Variants in PRSS38 observed in about 807,000 individuals in gnomAD.
PRSS38 encodes serine protease 38.
PRSS38 carries 22 observed loss-of-function variants against 26.8 expected under a neutral mutation model. That is an observed-to-expected ratio of 0.82 (90% CI 0.59 to 1.17). The LOEUF (loss-of-function observed/expected upper bound fraction) is 1.17, where lower values mean the gene tolerates loss of function less well. PRSS38 is among the 50% of genes most tolerant of loss of function. The pLI is 0.00. For synonymous variants in PRSS38, 175 were observed against 172.1 expected (o/e 1.02, Z -0.13); for missense variants, 427 against 422.7 (o/e 1.01, Z -0.09).
At chr1:227,845,833 G>A (rs774131241) in intron 4 of PRSS38, 121 bp from the exon 5 acceptor site, 36 of 1,394,070 alleles carry the variant, frequency 2.6e-5, no homozygotes, top group Non-Finnish European at 3.3e-5. Flanking sequence ...TGGGTGAGAG[G>A]GGGGCACTGG....
intron 3 of PRSS38, among the ~76,000 whole-genome samples, chr1:227,824,160 T>C (rs1665039480): frequency 6.6e-6 from 1 of 152,142 alleles, no homozygotes; most frequent in African/African-American, 2.4e-5. Context: ...GCACAAATTA[T>C]CCCATCACCT....
intron 3 of PRSS38, among the ~76,000 whole-genome samples, chr1:227,830,085 T>C (rs1665131317): frequency 6.6e-6 from 1 of 152,200 alleles, no homozygotes; most frequent in Non-Finnish European, 1.5e-5. Flanking sequence ...GTTATTGATA[T>C]ATTATATTCA....
At chr1:227,831,702 A>G (rs1468481351) in intron 3 of PRSS38, among the ~76,000 whole-genome samples, 1 of 152,154 alleles carries the variant, frequency 6.6e-6, no homozygotes, top group Non-Finnish European at 1.5e-5. Flanking sequence ...AATATAAAAA[A>G]TTAGCTGGGT....
chr1:227,818,697 A>AAC (rs1490004412), intron 3 of PRSS38, among the ~76,000 whole-genome samples: 2 of 151,796 alleles, frequency 1.3e-5, no homozygotes, highest in African/African-American at 4.8e-5. Flanking sequence ...AAAAAAAAAA[A>AAC]AACGTATTTA....
intron 3 of PRSS38, 81 bp from the exon 4 acceptor site, chr1:227,845,389 T>G (rs1407590675): frequency 2.1e-6 from 2 of 957,740 alleles, no homozygotes; most frequent in Non-Finnish European, 3.2e-6. Context: ...GGCTATCCCC[T>G]TGGTGTCCAC....
chr1:227,828,282 G>A (rs938778879), intron 3 of PRSS38, among the ~76,000 whole-genome samples: 5 of 152,320 alleles, frequency 3.3e-5, no homozygotes, highest in African/African-American at 9.6e-5. Context: ...AATATTATCA[G>A]TGGAGTGTTA....
intron 3 of PRSS38, among the ~76,000 whole-genome samples, chr1:227,819,950 G>C (rs1664978179): frequency 6.6e-6 from 1 of 152,008 alleles, no homozygotes; most frequent in Non-Finnish European, 1.5e-5. Flanking sequence ...TTAGCTGGGT[G>C]TGGTGGCACT....
At chr1:227,841,257 C>G (rs1558237763) in intron 3 of PRSS38, among the ~76,000 whole-genome samples, 1 of 152,262 alleles carries the variant, frequency 6.6e-6, no homozygotes, top group Non-Finnish European at 1.5e-5. Flanking sequence ...ATCCAGCAGG[C>G]TGGCCTAGCT....
chr1:227,820,251 T>C (rs981922310), intron 3 of PRSS38, among the ~76,000 whole-genome samples: 2 of 152,032 alleles, frequency 1.3e-5, no homozygotes, highest in African/African-American at 2.4e-5. Flanking sequence ...CATCTATGAA[T>C]AGAGATTGTT....
intron 3 of PRSS38, among the ~76,000 whole-genome samples, chr1:227,818,562 C>T (rs1264571338): frequency 1.3e-5 from 2 of 150,960 alleles, no homozygotes; most frequent in African/African-American, 2.4e-5. Context: ...CCTGTAGTCC[C>T]AGCTACTCAG....
At chr1:227,832,212 A>G (rs1429179421) in intron 3 of PRSS38, among the ~76,000 whole-genome samples, 1 of 152,210 alleles carries the variant, frequency 6.6e-6, no homozygotes, top group Non-Finnish European at 1.5e-5. Context: ...CTTTTGGTAG[A>G]AAGCATATAG....
At chr1:227,826,224 T>C (rs574706642) in intron 3 of PRSS38, among the ~76,000 whole-genome samples, 150 of 152,310 alleles carry the variant, frequency 9.8e-4, no homozygotes, top group Middle Eastern at 6.8e-3. Context: ...GTTTTGCATA[T>C]TGATTTTATA....
chr1:227,842,699 G>A (rs901086411), intron 3 of PRSS38, among the ~76,000 whole-genome samples: 1 of 151,950 alleles, frequency 6.6e-6, no homozygotes, highest in African/African-American at 2.4e-5. Context: ...TCCTGCCTCA[G>A]CCTCCTGAGT....
At chr1:227,840,340 C>A (rs1665318956) in intron 3 of PRSS38, among the ~76,000 whole-genome samples, 1 of 152,038 alleles carries the variant, frequency 6.6e-6, no homozygotes, top group Non-Finnish European at 1.5e-5. Context: ...CCAGGCTGGT[C>A]TCGAACTCCT....
At chr1:227,815,759 G>T (rs768466902) in exon 1 of PRSS38, 1 of 1,611,068 alleles carries the variant, frequency 6.2e-7, no homozygotes, top group Non-Finnish European at 8.5e-7. Context: ...CGGGCCCTCT[G>T]CCCTGGGCCT....
chr1:227,845,739 C>T (rs936543075), intron 4 of PRSS38, 127 bp downstream of exon 4: 91 of 1,254,148 alleles, frequency 7.3e-5, no homozygotes, highest in Admixed American at 2.8e-4. Context: ...CTGAGCAGGG[C>T]GATGTATGAC....
chr1:227,845,720 T>C (rs1572093641), intron 4 of PRSS38, 108 bp downstream of exon 4: 7 of 1,359,498 alleles, frequency 5.1e-6, no homozygotes, highest in Non-Finnish European at 7.1e-6. Context: ...CCTGCAGCCA[T>C]GCCCCAAGCT....
At chr1:227,821,220 AT>A (rs955251089) in intron 3 of PRSS38, among the ~76,000 whole-genome samples, 65 of 144,738 alleles carry the variant, frequency 4.5e-4, no homozygotes, top group Middle Eastern at 7.1e-3. Flanking sequence ...ACATGATCTC[AT>A]TTTTTTTTTT....
intron 3 of PRSS38, among the ~76,000 whole-genome samples, chr1:227,818,863 G>C (rs1032662732): frequency 6.6e-6 from 1 of 151,984 alleles, no homozygotes; most frequent in Non-Finnish European, 1.5e-5. Flanking sequence ...TTGAAGGTTT[G>C]ATGTGGCCAT....
Sources: allele counts gnomAD v4.1 joint callset (sites outside exome capture counted in the v4.1 genomes callset), GRCh38; gene constraint gnomAD v4.1.1; transcripts MANE v1.5; gene names NCBI Gene and HGNC (gene_info 2026-07-23, HGNC 2026-07-21).